Variants in STIM1 observed in about 807,000 individuals in gnomAD.
STIM1 encodes the protein stromal interaction molecule 1.
Under a neutral mutation model 74.7 loss-of-function variants are expected in STIM1, and 25 were observed. The observed-to-expected ratio is 0.33, with a 90% CI of 0.24 to 0.47. The LOEUF is 0.47. Among genes scored for constraint, STIM1 ranks in the 20% least tolerant of loss-of-function variants. The pLI is 1.00. For synonymous variants in STIM1, 328 were observed against 348.8 expected, an observed-to-expected ratio of 0.94 and a Z score of 0.66; for missense variants, 728 against 920.8, an observed-to-expected ratio of 0.79 and a Z score of 2.71.
At chr11:4,056,417 T>C (rs1307335778) in intron 4 of STIM1, among the ~76,000 whole-genome samples, 1 of 152,232 alleles carries the variant, frequency 6.6e-6, no homozygotes, top group African/African-American at 2.4e-5. Flanking sequence ...CCAACAAATA[T>C]TTACTGGGTA....
intron 6 of STIM1, among the ~76,000 whole-genome samples, chr11:4,070,918 G>GA (rs1554970190): frequency 1.0e-3 from 1 of 976 alleles, no homozygotes; most frequent in Non-Finnish European, 1.7e-3. Context: ...CTGGTCCTGA[G>GA]AAAAAAAACT....
rs2093588497 is a variant in STIM1, at chr11:3,989,463, C to G, written c.270+21781C>G. ...CGGAGCTGACCTTGCTCTTAGGCAT[C>G]CTGGCGGCGTGGAGGGTGCGTGCGG... On this transcript the variant is annotated intron_variant, in intron 2 of 12. Coordinates refer to ENST00000526596, the MANE Select transcript of STIM1 (RefSeq NM_001382567.1). 8 of 689,160 alleles carry G rather than the reference C, an allele frequency of 1.2e-5. No homozygotes were observed. In the East Asian group the frequency reaches 2.3e-4, roughly 19 times the overall value. The allele number at this position is 689,160 out of a possible 1,614,324, so 42.7% of individuals were successfully genotyped here. A position where few individuals can be genotyped will look rare whatever the true frequency, so the allele number is the denominator to read the frequency against.
At chr11:3,942,395 C>T (rs2093022497) in intron 1 of STIM1, among the ~76,000 whole-genome samples, 1 of 152,132 alleles carries the variant, frequency 6.6e-6, no homozygotes, top group Non-Finnish European at 1.5e-5. Flanking sequence ...CTTGTAAGTC[C>T]CATAAGGGCC....
chr11:3,949,661 T>C (rs186350498), intron 1 of STIM1, among the ~76,000 whole-genome samples: 130 of 152,348 alleles, frequency 8.5e-4, no homozygotes, highest in African/African-American at 2.9e-3. Flanking sequence ...TTGGGAACCC[T>C]GTGAAGGATT....
chr11:3,871,978 A>C (rs1317166701), intron 1 of STIM1, among the ~76,000 whole-genome samples: 1 of 152,094 alleles, frequency 6.6e-6, no homozygotes, highest in Non-Finnish European at 1.5e-5. Context: ...TGTTCTTTGC[A>C]ATTCTTTGGT....
chr11:3,962,486 A>G (rs2093298023), intron 1 of STIM1, among the ~76,000 whole-genome samples: 1 of 151,754 alleles, frequency 6.6e-6, no homozygotes, highest in African/African-American at 2.4e-5. Flanking sequence ...TATAAAAATA[A>G]TATTTTCTTT....
intron 2 of STIM1, among the ~76,000 whole-genome samples, chr11:3,995,468 A>G (rs1463847154): frequency 6.6e-6 from 1 of 152,174 alleles, no homozygotes; most frequent in Non-Finnish European, 1.5e-5. Context: ...GTTTGGGCAG[A>G]ACTTTGACTG....
At chr11:3,861,121 CTGTT>C (rs1481772361) in intron 1 of STIM1, among the ~76,000 whole-genome samples, 1 of 151,890 alleles carries the variant, frequency 6.6e-6, no homozygotes, top group East Asian at 1.9e-4. Flanking sequence ...TCTGGTTTCA[CTGTT>C]TGGTAGCTGG....
At chr11:3,999,218 G>C (rs539682969) in intron 2 of STIM1, among the ~76,000 whole-genome samples, 1 of 152,310 alleles carries the variant, frequency 6.6e-6, no homozygotes, top group African/African-American at 2.4e-5. Context: ...TGTGCCTGTA[G>C]TCCAAGCTAC....
intron 1 of STIM1, among the ~76,000 whole-genome samples, chr11:3,864,522 T>C (rs1028076144): frequency 6.6e-6 from 1 of 152,316 alleles, no homozygotes; most frequent in East Asian, 1.9e-4. Context: ...TGGGCTATAC[T>C]GGACATGATG....
At chr11:3,894,209 C>T (rs2091985491) in intron 1 of STIM1, among the ~76,000 whole-genome samples, 1 of 152,202 alleles carries the variant, frequency 6.6e-6, no homozygotes, top group African/African-American at 2.4e-5. Context: ...GTGACTGTGA[C>T]TAACTTGTAA....
rs188952978 is a variant in STIM1, at chr11:3,895,455, T to A, written c.139+39046T>A. The stretch of plus-strand genomic sequence containing the variant: ...AAATTCCTTCCATCTGTGTAGCACT[T>A]TTTGGTCACTTACCCACATTTTATT... On this transcript the variant is annotated intron_variant, in intron 1 of 12. Coordinates refer to ENST00000526596, the MANE Select transcript of STIM1 (RefSeq NM_001382567.1). Among the ~76,000 whole-genome samples the A allele has an allele frequency of 5.3e-5, 8 of 152,238 alleles. No homozygotes were observed. The East Asian group carries it at 1.4e-3, about 26-fold the overall frequency.
At chr11:3,878,219 C>T (rs2091370784) in intron 1 of STIM1, among the ~76,000 whole-genome samples, 1 of 151,962 alleles carries the variant, frequency 6.6e-6, no homozygotes, top group South Asian at 2.1e-4. Flanking sequence ...GGTTAAGGAA[C>T]GAAGAGACAG....
chr11:4,088,746 G>C, intron 12 of STIM1: 1 of 1,535,784 alleles, frequency 6.5e-7, no homozygotes. Flanking sequence ...AAGGTCAGTA[G>C]CTTGGGATGG....
intron 2 of STIM1, among the ~76,000 whole-genome samples, chr11:3,990,557 A>T (rs958052788): frequency 5.9e-5 from 9 of 152,196 alleles, no homozygotes; most frequent in Non-Finnish European, 1.3e-4. Context: ...CCATTTTTAC[A>T]TTCCTGCCAG....
At chr11:3,927,506 C>G (rs1276613236) in intron 1 of STIM1, among the ~76,000 whole-genome samples, 1 of 152,186 alleles carries the variant, frequency 6.6e-6, no homozygotes, top group Non-Finnish European at 1.5e-5. Flanking sequence ...ACCTAAAATG[C>G]CAGCTACTTA....
chr11:3,876,291 A>G (rs897810264), intron 1 of STIM1, among the ~76,000 whole-genome samples: 7 of 152,216 alleles, frequency 4.6e-5, no homozygotes, highest in Admixed American at 4.6e-4. Context: ...TGCAAAATTA[A>G]TGGATAAACA....
intron 2 of STIM1, among the ~76,000 whole-genome samples, chr11:3,982,309 C>T (rs1459868791): frequency 6.6e-6 from 1 of 151,794 alleles, no homozygotes; most frequent in Non-Finnish European, 1.5e-5. Flanking sequence ...GGATCGTAAA[C>T]ATGAGCCAAC....
At chr11:4,037,890 C>T (rs1357107466) in intron 3 of STIM1, among the ~76,000 whole-genome samples, 2 of 151,960 alleles carry the variant, frequency 1.3e-5, no homozygotes, top group African/African-American at 4.8e-5. Flanking sequence ...TTCTTTAATT[C>T]CTTTTCCTAC....
Sources: allele counts gnomAD v4.1 joint callset (sites outside exome capture counted in the v4.1 genomes callset), GRCh38; gene constraint gnomAD v4.1.1; transcripts MANE v1.5; gene names NCBI Gene and HGNC (gene_info 2026-07-23, HGNC 2026-07-21).